Variants in CLSPN observed in about 807,000 individuals in gnomAD.
CLSPN encodes the protein claspin.
Under a neutral mutation model 156.3 loss-of-function variants are expected in CLSPN, and 85 were observed. That is an observed-to-expected ratio of 0.54 (90% CI 0.46 to 0.65). The LOEUF (loss-of-function observed/expected upper bound fraction) is 0.65. CLSPN is among the 30% of genes least tolerant of loss of function. The pLI is 0.00. For synonymous variants in CLSPN, 534 were observed against 542.4 expected, an observed-to-expected ratio of 0.98 and a Z score of 0.22; for missense variants, 1,407 against 1,554.9, an observed-to-expected ratio of 0.90 and a Z score of 1.60.
chr1:35,749,104 C>T (rs1252764810), intron 12 of CLSPN, among the ~76,000 whole-genome samples: 4 of 152,120 alleles, frequency 2.6e-5, no homozygotes, highest in Admixed American at 1.3e-4. Context: ...GGATTACAGG[C>T]GTGAGTCACT....
Position 35,763,144 on chromosome 1 carries a change from A to G in CLSPN, c.744+16T>C, listed in dbSNP as rs1429590593. ...AAGCAGTTGATTAACTCTTATTGCAATCATGCTTTACTTGCCTTGTGCTTT... is the reference window on the plus strand; with the variant it reads ...AAGCAGTTGATTAACTCTTATTGCAGTCATGCTTTACTTGCCTTGTGCTTT... On this transcript the variant is annotated intron_variant, in intron 4 of 24. Transcript: ENST00000318121. The G allele has an allele frequency of 3.3e-6, 5 of 1,532,800 alleles. No individual in the cohort carries two copies. In the South Asian group the frequency reaches 3.8e-5, roughly 12 times the overall value. The allele number at this position is 1,532,800 out of a possible 1,614,324, so 94.9% of individuals were successfully genotyped here.
At position 35,735,308 on chromosome 1, in the gene CLSPN, T is replaced by A; in HGVS notation, c.*1188A>T. 1 of 980,760 alleles carries A rather than the reference T, an allele frequency of 1.0e-6. No homozygotes were observed. The highest frequency in any genetic ancestry group is 1.2e-6 in the Non-Finnish European group (1 of 825,572). 60.8% of individuals were successfully genotyped at this position (980,760 alleles called of 1,614,324 possible). On this transcript the variant is annotated 3_prime_UTR_variant, in exon 25 of 25. Coordinates refer to ENST00000318121, the MANE Select transcript of CLSPN (RefSeq NM_022111.4). ...TTAAGTCCTTATTAAGCAGCAAAAA[T>A]TAATTCAAAATTTGATGCTGCCTTG...
chr1:35,732,958 A>G lies in CLSPN; in HGVS notation c.*3538T>C. ...CTCCCAGGAGCCTCAATCAGAAACC[A>G]TTTTCTTTCTTTCTTTTTTTTTTTG... On this transcript the variant is annotated 3_prime_UTR_variant, in exon 25 of 25. Transcript: ENST00000318121. 1 of 983,492 alleles carries G rather than the reference A, an allele frequency of 1.0e-6. No individual in the cohort carries two copies. The highest frequency in any genetic ancestry group is 1.2e-6 in the Non-Finnish European group (1 of 829,354). 60.9% of individuals were successfully genotyped at this position (983,492 alleles called of 1,614,324 possible).
At chr1:35,762,578 C>T (rs1466609992) in intron 4 of CLSPN, 97 bp from the exon 5 acceptor site, 12 of 805,426 alleles carry the variant, frequency 1.5e-5, no homozygotes, top group Middle Eastern at 4.7e-4. Context: ...CCACATCATG[C>T]TACATTAATA....
chr1:35,744,515 C>T (rs1202180007), intron 16 of CLSPN, among the ~76,000 whole-genome samples: 2 of 152,074 alleles, frequency 1.3e-5, no homozygotes, highest in Non-Finnish European at 2.9e-5. Context: ...AGGCTGGTCT[C>T]AAACTCCTGA....
At position 35,761,986 on chromosome 1, in the gene CLSPN, G is replaced by T; in HGVS notation, c.895+12C>A. On this transcript the variant is annotated intron_variant, in intron 6 of 24. Coordinates refer to ENST00000318121, the MANE Select transcript of CLSPN (RefSeq NM_022111.4). Reference sequence around the variant, plus strand: ...TTGTGATTTTGCCTCAAAGTTTACTGGGTTGCATTACCTCGAATAAGGCGC... The same window carrying T: ...TTGTGATTTTGCCTCAAAGTTTACTTGGTTGCATTACCTCGAATAAGGCGC... 1 of 1,599,168 alleles carries T rather than the reference G, an allele frequency of 6.3e-7. No individual in the cohort carries two copies. The highest frequency in any genetic ancestry group is 2.2e-5 in the East Asian group (1 of 44,782).
intron 4 of CLSPN, 90 bp downstream of exon 4, chr1:35,763,067 TAAA>T: frequency 2.0e-6 from 2 of 1,019,132 alleles, no homozygotes; most frequent in Non-Finnish European, 2.6e-6. Context: ...TTTCTTCAGT[TAAA>T]AAAAAAATTA....
chr1:35,758,354 A>G (rs1642354533), intron 8 of CLSPN, among the ~76,000 whole-genome samples: 3 of 151,974 alleles, frequency 2.0e-5, no homozygotes, highest in African/African-American at 4.8e-5. Context: ...GGTTTAATGA[A>G]AGAGTCTTGG....
rs1392130644 is a variant in CLSPN at position 35,726,179 on chromosome 1, CA to C, written c.3910-5200del. 1.8e-3 allele frequency among the ~76,000 whole-genome samples: 68 copies of C among 36,972 alleles called. No homozygotes were observed. The East Asian group carries it at 0.02, about 11-fold the overall frequency. The allele number at this position is 36,972 out of a possible 152,430, so 24.3% of individuals were successfully genotyped here. ...AAAAAAAAAAAAAAAAAAAAAAGCG[CA>C]TAGCAAAACCTGTCTCCAGGATGGC... On this transcript the variant is annotated intron_variant, in intron 24 of 24. Transcript: ENST00000251195.
rs748383467 is a variant in CLSPN at position 35,736,458 on chromosome 1, A to T, written c.*38T>A. ...AACTTTCAGTGCTAGAAACTTCTCA[A>T]AGCAGTCTCAATGTAGATTTTGGCA... On this transcript the variant is annotated 3_prime_UTR_variant, in exon 25 of 25. Transcript: ENST00000318121. The T allele has an allele frequency of 2.6e-6, 4 of 1,540,872 alleles. No individual in the cohort carries two copies. Among genetic ancestry groups the T allele is most frequent in the Non-Finnish European group, 3.5e-6 (4 of 1,144,900 alleles).
intron 8 of CLSPN, among the ~76,000 whole-genome samples, chr1:35,755,011 G>A (rs539003901): frequency 3.0e-4 from 46 of 152,176 alleles, no homozygotes; most frequent in Non-Finnish European, 8.8e-5. Context: ...AATGGAATCT[G>A]TGATGAGAGC....
intron 1 of CLSPN, among the ~76,000 whole-genome samples, chr1:35,769,646 G>GAAGCCCGGC (rs1642798145): frequency 6.6e-6 from 1 of 152,154 alleles, no homozygotes; most frequent in Non-Finnish European, 1.5e-5. Flanking sequence ...CGAAGCGCGG[G>GAAGCCCGGC]AAGCCCGGCG....
exon 25 of CLSPN, chr1:35,720,318 TAAG>T (rs1371328214): frequency 2.0e-5 from 3 of 152,108 alleles, no homozygotes; most frequent in Non-Finnish European, 4.4e-5. Context: ...CTCCTCCAGC[TAAG>T]AAAATACAGG....
intron 8 of CLSPN, among the ~76,000 whole-genome samples, chr1:35,755,384 A>T (rs1642239256): frequency 6.6e-6 from 1 of 151,116 alleles, no homozygotes; most frequent in Non-Finnish European, 1.5e-5. Context: ...CTCCTGCCTC[A>T]GCCTCCCTAG....
chr1:35,730,202 C>A (rs1420932874), downstream of CLSPN, among the ~76,000 whole-genome samples: 1 of 151,970 alleles, frequency 6.6e-6, no homozygotes, highest in African/African-American at 2.4e-5. Flanking sequence ...GGAAAGCAAG[C>A]CTCAACGAAC....
chr1:35,761,273 A>G, intron 6 of CLSPN, 69 bp from the exon 7 acceptor site: 2 of 962,502 alleles, frequency 2.1e-6, no homozygotes, highest in Non-Finnish European at 3.2e-6. Context: ...ATATTCAGTT[A>G]ACTAAACATA....
chr1:35,730,783 G>T (rs377277245), downstream of CLSPN, among the ~76,000 whole-genome samples: 1 of 151,908 alleles, frequency 6.6e-6, no homozygotes, highest in African/African-American at 2.4e-5. Context: ...TTGCTTGAAC[G>T]GGGGAGACAA....
chr1:35,739,545 G>A lies in CLSPN; in HGVS notation c.3144-16C>T. The A allele has an allele frequency of 1.2e-6, 2 of 1,604,882 alleles. No homozygotes were observed. The highest frequency in any genetic ancestry group is 1.7e-6 in the Non-Finnish European group (2 of 1,175,806). On this transcript the variant is annotated splice_polypyrimidine_tract_variant and intron_variant, in intron 18 of 24. Coordinates refer to ENST00000318121, the MANE Select transcript of CLSPN (RefSeq NM_022111.4). ...CCTCAACCTCCTAGAAAGCAATTTT[G>A]AGGATTAGAAAATGCAACAATGAAT...
At chr1:35,749,601 A>G (rs532067949) in intron 11 of CLSPN, 32 bp downstream of exon 11, 1 of 1,613,524 alleles carries the variant, frequency 6.2e-7, no homozygotes, top group Non-Finnish European at 8.5e-7. Context: ...AATCCAAGGC[A>G]ATTTTAAGTT....
Sources: gnomAD v4.1 joint callset for allele counts (sites outside exome capture counted in the v4.1 genomes callset) on GRCh38, gnomAD v4.1.1 for gene constraint, MANE v1.5 for transcripts, NCBI Gene and HGNC (gene_info 2026-07-23, HGNC 2026-07-21) for gene names.